The following PDSS1 variants were observed in gnomAD, a reference collection of about 807,000 sequenced individuals.
PDSS1 encodes the protein decaprenyl diphosphate synthase subunit 1, also known as all trans-polyprenyl-diphosphate synthase PDSS1.
Under a neutral mutation model 57.5 loss-of-function variants are expected in PDSS1, and 43 were observed. The ratio of observed to expected loss-of-function variants is 0.75; its 90% CI spans 0.59 to 0.96. The LOEUF (loss-of-function observed/expected upper bound fraction) is 0.96, where lower values mean the gene tolerates loss of function less well. PDSS1 is among the 50% of genes least tolerant of loss of function. The probability of loss-of-function intolerance (pLI) is 0.00; values close to 1 mark genes in which losing one functional copy is unlikely to be tolerated. For synonymous variants in PDSS1, 175 were observed against 191.3 expected, an observed-to-expected ratio of 0.91 and a Z score of 0.70; for missense variants, 438 against 527.8, an observed-to-expected ratio of 0.83 and a Z score of 1.67.
intron 1 of PDSS1, chr10:26,701,837 A>G: frequency 2.2e-6 from 1 of 454,510 alleles, no homozygotes; most frequent in South Asian, 1.6e-5. Flanking sequence ...AACAGCTTCC[A>G]CCGTGCACCT....
chr10:26,729,160 C>G (rs1260739034), intron 8 of PDSS1, among the ~76,000 whole-genome samples: 1 of 152,092 alleles, frequency 6.6e-6, no homozygotes, highest in East Asian at 1.9e-4. Flanking sequence ...AGGGGAGGCC[C>G]TTTAACCTGG....
At chr10:26,721,197 G>C (rs1399030839) in intron 6 of PDSS1, among the ~76,000 whole-genome samples, 1 of 151,804 alleles carries the variant, frequency 6.6e-6, no homozygotes, top group African/African-American at 2.4e-5. Flanking sequence ...TACTCAGGAG[G>C]CTTAGGCAGG....
At chr10:26,725,511 A>G (rs1835921623) in intron 8 of PDSS1, among the ~76,000 whole-genome samples, 1 of 151,864 alleles carries the variant, frequency 6.6e-6, no homozygotes, top group Non-Finnish European at 1.5e-5. Context: ...CCAAGAAATT[A>G]TGTGGGTTTT....
rs1002908038 is a variant in PDSS1, at chr10:26,697,781, G to C, written c.70G>C (p.Gly24Arg). 84 of 1,300,716 alleles carry C rather than the reference G, an allele frequency of 6.5e-5. No homozygotes were observed. The highest frequency in any genetic ancestry group is 7.9e-5 in the Non-Finnish European group (81 of 1,029,118). The allele number at this position is 1,300,716 out of a possible 1,614,324, so 80.6% of individuals were successfully genotyped here. A position where few individuals can be genotyped will look rare whatever the true frequency, so the allele number is the denominator to read the frequency against. The change falls in exon 1 of 12, where the codon GGC becomes CGC. Residue 24 changes from glycine to arginine, a missense_variant. Coordinates refer to ENST00000376215, the MANE Select transcript of PDSS1 (RefSeq NM_014317.5). ...WKPAARSPGPGSPGRAGPLGP... is the reference protein window; with the variant it reads ...WKPAARSPGPRSPGRAGPLGP... ...GCCGGCGGCGCGGAGCCCCGGGCCC[G>C]GCTCCCCCGGCCGTGCGGGACCGTT...
At chr10:26,705,153 A>G (rs989821607) in intron 3 of PDSS1, 133 bp from the exon 4 acceptor site, 7 of 680,780 alleles carry the variant, frequency 1.0e-5, no homozygotes, top group Non-Finnish European at 1.9e-5. Context: ...TCCAAATTAT[A>G]ATGACCTTTT....
chr10:26,703,010 G>A (rs1325359341), intron 2 of PDSS1, among the ~76,000 whole-genome samples: 1 of 152,166 alleles, frequency 6.6e-6, no homozygotes, highest in Non-Finnish European at 1.5e-5. Flanking sequence ...TTTTAAAGCA[G>A]AAAATAGTAG....
intron 4 of PDSS1, among the ~76,000 whole-genome samples, chr10:26,708,457 TTC>T (rs1491162956): frequency 6.6e-6 from 1 of 152,212 alleles, no homozygotes; most frequent in Non-Finnish European, 1.5e-5. Context: ...GATCTCTTCC[TTC>T]CCTGAACTTT....
chr10:26,735,379 C>G, intron 9 of PDSS1, 59 bp downstream of exon 9: 5 of 1,383,168 alleles, frequency 3.6e-6, no homozygotes, highest in Non-Finnish European at 5.2e-6. Flanking sequence ...GCATTCTCCC[C>G]TAGTGTGTAA....
chr10:26,737,800 C>G (rs1165205222), intron 10 of PDSS1, among the ~76,000 whole-genome samples: 1 of 151,698 alleles, frequency 6.6e-6, no homozygotes, highest in African/African-American at 2.4e-5. Context: ...TTACTGTACC[C>G]GAAGCCATGG....
At chr10:26,723,972 C>A in intron 7 of PDSS1, 42 bp from the exon 8 acceptor site, 1 of 1,578,066 alleles carries the variant, frequency 6.3e-7, no homozygotes, top group Non-Finnish European at 8.7e-7. Context: ...TTTAGCCAGG[C>A]AATAAAGCCA....
intron 5 of PDSS1, among the ~76,000 whole-genome samples, chr10:26,718,999 G>T (rs939952342): frequency 1.3e-5 from 2 of 152,008 alleles, no homozygotes; most frequent in African/African-American, 4.8e-5. Flanking sequence ...GCTTTCTGCC[G>T]GGTCTGAGGA....
At chr10:26,720,163 T>C in intron 5 of PDSS1, 55 bp from the exon 6 acceptor site, 6 of 1,610,602 alleles carry the variant, frequency 3.7e-6, no homozygotes, top group Non-Finnish European at 5.1e-6. Context: ...ACAAGCTGAT[T>C]GCTGAGAAGG....
Position 26,746,622 on chromosome 10 carries a change from T to A in PDSS1, c.*149T>A. The A allele has an allele frequency of 1.2e-6, 1 of 825,140 alleles. No individual in the cohort carries two copies. The allele number at this position is 825,140 out of a possible 1,614,324, so 51.1% of individuals were successfully genotyped here. On this transcript the variant is annotated 3_prime_UTR_variant, in exon 12 of 12. Transcript: ENST00000376215. ...TGATGGGCAATTTATTTTTTTTTAT[T>A]GCAAAAGTTTTTTCAGAAAACTTTT...
rs989486151 is a variant in PDSS1 at position 26,746,329 on chromosome 10, A to G, written c.1108-4A>G. The G allele has an allele frequency of 6.2e-7, 1 of 1,614,010 alleles. No homozygotes were observed. The highest frequency in any genetic ancestry group is 1.3e-5 in the African/African-American group (1 of 75,046). ...TCTGTTCTGTTTTGTTCTGTATCTT[A>G]TAGAGTGATGGTGTGCAACAAACAA... is the stretch of plus-strand genomic sequence containing the variant. On this transcript the variant is annotated splice_polypyrimidine_tract_variant and splice_region_variant and intron_variant, in intron 11 of 11. Coordinates refer to ENST00000376215, the MANE Select transcript of PDSS1 (RefSeq NM_014317.5).
intron 4 of PDSS1, 123 bp from the exon 5 acceptor site, chr10:26,709,515 C>T (rs921992812): frequency 1.1e-5 from 10 of 928,370 alleles, no homozygotes; most frequent in African/African-American, 1.6e-5. Flanking sequence ...GAGCTGAGAT[C>T]GTTCCATTGC....
At chr10:26,736,561 G>A (rs932715561) in intron 10 of PDSS1, among the ~76,000 whole-genome samples, 6 of 152,168 alleles carry the variant, frequency 3.9e-5, no homozygotes, top group African/African-American at 1.4e-4. Flanking sequence ...CTTTTGGTGG[G>A]TTTCTGATTG....
At chr10:26,738,605 C>G (rs971756421) in intron 10 of PDSS1, among the ~76,000 whole-genome samples, 1 of 152,174 alleles carries the variant, frequency 6.6e-6, no homozygotes, top group Non-Finnish European at 1.5e-5. Context: ...GTAATCCTTT[C>G]CCTTTGGTAG....
chr10:26,740,196 C>G (rs148102176), intron 10 of PDSS1, among the ~76,000 whole-genome samples: 113 of 150,984 alleles, frequency 7.5e-4, no homozygotes, highest in African/African-American at 2.6e-3. Flanking sequence ...GTAGTCCCAG[C>G]TACTCGGGAG....
At position 26,705,221 on chromosome 10, in the gene PDSS1, A is replaced by C. The variant is rs1780192; in HGVS notation, c.228-65A>C. The C allele has an allele frequency of 0.56, 487,215 of 865,496 alleles. 141,162 individuals are homozygous for C. Among genetic ancestry groups the C allele is most frequent in the Admixed American group, 0.64 (36,453 of 56,916 alleles). 53.6% of individuals were successfully genotyped at this position (865,496 alleles called of 1,614,324 possible). ...GGCTGAATTTTCCGTATCTGAGTCT[A>C]CTAAATATATATGTATATAAAACTT... On this transcript the variant is annotated intron_variant, in intron 3 of 11. Coordinates refer to ENST00000376215, the MANE Select transcript of PDSS1 (RefSeq NM_014317.5).
Sources: gnomAD v4.1 joint callset for allele counts (sites outside exome capture counted in the v4.1 genomes callset) on GRCh38, gnomAD v4.1.1 for gene constraint, MANE v1.5 for transcripts, NCBI Gene and HGNC (gene_info 2026-07-23, HGNC 2026-07-21) for gene names.